Variants in ROBO2 observed in about 807,000 individuals in gnomAD.
ROBO2 encodes roundabout guidance receptor 2, also known as roundabout homolog 2.
In ROBO2, 53 loss-of-function variants were observed where a neutral mutation model predicts 160.8. The ratio of observed to expected loss-of-function variants is 0.33; its 90% CI spans 0.26 to 0.41. The LOEUF is 0.41. ROBO2 is among the 10% of genes least tolerant of loss of function. ROBO2 has a pLI of 1.00. For synonymous variants in ROBO2, 664 were observed against 611.7 expected (o/e 1.09, Z -1.26); for missense variants, 1,577 against 1,722.4 (o/e 0.92, Z 1.49).
At chr3:76,948,886 A>T (rs1438209750) in intron 2 of ROBO2, among the ~76,000 whole-genome samples, 1 of 20,594 alleles carries the variant, frequency 4.9e-5, no homozygotes. Context: ...ATATATATAT[A>T]TATATATATA....
rs1306968012 is a variant in ROBO2, at chr3:76,246,815, A to C, written c.109+309213A>C. Among the ~76,000 whole-genome samples, 3 of 152,260 alleles carry C rather than the reference A, an allele frequency of 2.0e-5. No homozygotes were observed. In the East Asian group the frequency reaches 5.8e-4, roughly 29 times the overall value. On this transcript the variant is annotated intron_variant, in intron 2 of 26. Transcript: ENST00000487694. ...GACTCTATTTCTTTTTACAGAGATA[A>C]AGTATATAACTTTATTAGAATTGAC...
intron 2 of ROBO2, among the ~76,000 whole-genome samples, chr3:75,970,026 C>T (rs1418186185): frequency 5.3e-5 from 8 of 151,426 alleles, no homozygotes; most frequent in Admixed American, 2.6e-4. Context: ...AGGTCTTACA[C>T]GTAGGCCTTT....
intron 1 of ROBO2, among the ~76,000 whole-genome samples, chr3:77,045,265 A>G (rs2064527300): frequency 6.6e-6 from 1 of 152,344 alleles, no homozygotes; most frequent in South Asian, 2.1e-4. Context: ...TACCCAGAAT[A>G]CTTGACTCAA....
chr3:76,976,863 T>G (rs2059839738), intron 2 of ROBO2, among the ~76,000 whole-genome samples: 1 of 152,220 alleles, frequency 6.6e-6, no homozygotes, highest in Admixed American at 6.5e-5. Flanking sequence ...AAGTGATTAC[T>G]GACTTCATAT....
At chr3:76,476,968 C>T (rs544649110) in intron 2 of ROBO2, among the ~76,000 whole-genome samples, 8 of 152,274 alleles carry the variant, frequency 5.3e-5, no homozygotes, top group East Asian at 3.9e-4. Flanking sequence ...ATCAAAAGAA[C>T]GTGGACTTTA....
chr3:77,138,908 A>G (rs1459339524), intron 2 of ROBO2, among the ~76,000 whole-genome samples: 1 of 152,156 alleles, frequency 6.6e-6, no homozygotes, highest in Non-Finnish European at 1.5e-5. Flanking sequence ...GCTGTGAGAA[A>G]AGGAAAAAAA....
intron 2 of ROBO2, among the ~76,000 whole-genome samples, chr3:76,941,905 G>A (rs554081891): frequency 6.6e-6 from 1 of 152,202 alleles, no homozygotes; most frequent in African/African-American, 2.4e-5. Flanking sequence ...GAATAAGATC[G>A]TATCTGATTA....
At chr3:76,112,039 C>G (rs2070255133) in intron 2 of ROBO2, among the ~76,000 whole-genome samples, 1 of 152,122 alleles carries the variant, frequency 6.6e-6, no homozygotes, top group Non-Finnish European at 1.5e-5. Context: ...CACTCTTAAA[C>G]TTTACTCTGA....
At chr3:76,070,838 A>G (rs2068431223) in intron 2 of ROBO2, among the ~76,000 whole-genome samples, 1 of 152,142 alleles carries the variant, frequency 6.6e-6, no homozygotes, top group Non-Finnish European at 1.5e-5. Context: ...CCTACGGAAT[A>G]TCAGGGCAGA....
chr3:76,216,272 C>T (rs967063723), intron 2 of ROBO2, among the ~76,000 whole-genome samples: 2 of 152,128 alleles, frequency 1.3e-5, no homozygotes, highest in Non-Finnish European at 2.9e-5. Context: ...AAATAACCAG[C>T]TAACATCATA....
intron 2 of ROBO2, among the ~76,000 whole-genome samples, chr3:76,288,503 A>G (rs1708641384): frequency 1.3e-5 from 2 of 151,444 alleles, no homozygotes; most frequent in African/African-American, 2.4e-5. Flanking sequence ...TTCATTTCCA[A>G]CTTTTAGGTT....
intron 2 of ROBO2, among the ~76,000 whole-genome samples, chr3:76,302,489 C>T (rs914510194): frequency 9.2e-5 from 14 of 151,974 alleles, no homozygotes; most frequent in Admixed American, 1.3e-4. Flanking sequence ...AGGGGAGAAC[C>T]GCTAGCTGAT....
chr3:76,888,151 T>C (rs913055240), intron 2 of ROBO2, among the ~76,000 whole-genome samples: 9 of 152,122 alleles, frequency 5.9e-5, no homozygotes, highest in African/African-American at 2.2e-4. Flanking sequence ...GTGGATGACT[T>C]GAGGCTGGGA....
intron 2 of ROBO2, among the ~76,000 whole-genome samples, chr3:77,024,393 A>G (rs375714712): frequency 1.3e-5 from 2 of 152,220 alleles, no homozygotes; most frequent in African/African-American, 4.8e-5. Flanking sequence ...TGTGTCAGAA[A>G]TGAAGCAGTA....
intron 2 of ROBO2, among the ~76,000 whole-genome samples, chr3:76,326,495 A>C (rs975882523): frequency 6.6e-4 from 101 of 152,172 alleles, no homozygotes; most frequent in South Asian, 1.4e-3. Flanking sequence ...TATGTTGCAT[A>C]ATGCATATAT....
At position 77,353,168 on chromosome 3, in the gene ROBO2, G is replaced by A. The variant is rs529678694; in HGVS notation, c.389-124246G>A. Among the ~76,000 whole-genome samples, 4 of 152,244 alleles carry A rather than the reference G, an allele frequency of 2.6e-5. No individual in the cohort carries two copies. In the East Asian group the frequency reaches 7.8e-4, roughly 30 times the overall value. On this transcript the variant is annotated intron_variant, in intron 2 of 25. Coordinates refer to ENST00000461745, the Ensembl canonical transcript of ROBO2. ...CCCTTTATGAACCTGGTGCTCAAAT[G>A]AATATTGTAACTTTGTAGTCTCTCT...
At chr3:76,696,119 G>T (rs138103173) in intron 2 of ROBO2, among the ~76,000 whole-genome samples, 1 of 152,048 alleles carries the variant, frequency 6.6e-6, no homozygotes, top group African/African-American at 2.4e-5. Context: ...TCCAATTCCT[G>T]CCGCACAACT....
intron 2 of ROBO2, among the ~76,000 whole-genome samples, chr3:77,175,382 G>T (rs2080045124): frequency 6.6e-6 from 1 of 152,016 alleles, no homozygotes; most frequent in Admixed American, 6.6e-5. Flanking sequence ...GAAATAGCAT[G>T]AAATAGGAAC....
At chr3:76,394,904 T>G (rs1370435438) in intron 2 of ROBO2, among the ~76,000 whole-genome samples, 1 of 152,070 alleles carries the variant, frequency 6.6e-6, no homozygotes, top group Non-Finnish European at 1.5e-5. Flanking sequence ...ACTGTCAACA[T>G]TAGACAGATC....
Sources: allele counts gnomAD v4.1 joint callset (sites outside exome capture counted in the v4.1 genomes callset), GRCh38; gene constraint gnomAD v4.1.1; transcripts MANE v1.5; gene names NCBI Gene and HGNC (gene_info 2026-07-23, HGNC 2026-07-21).